Variants in COG5 observed in about 807,000 individuals in gnomAD.
COG5 encodes the protein component of oligomeric golgi complex 5, also known as conserved oligomeric Golgi complex subunit 5.
COG5 carries 86 observed loss-of-function variants against 110.4 expected under a neutral mutation model. The ratio of observed to expected loss-of-function variants is 0.78; its 90% CI spans 0.65 to 0.93. The LOEUF (loss-of-function observed/expected upper bound fraction) is 0.93. Ranked by LOEUF, COG5 falls within the 40% of genes least tolerant of loss-of-function variation. COG5 has a pLI of 0.00. For synonymous variants in COG5, 360 were observed against 334.6 expected (o/e 1.08, Z -0.83); for missense variants, 1,077 against 987.0 (o/e 1.09, Z -1.22).
intron 7 of COG5, among the ~76,000 whole-genome samples, chr7:107,411,520 G>C (rs781417737): frequency 3.3e-5 from 5 of 152,048 alleles, no homozygotes; most frequent in Non-Finnish European, 7.4e-5. Context: ...AGAAACTCTA[G>C]GAGTACTGAT....
At chr7:107,427,141 T>C (rs4730243) in intron 6 of COG5, among the ~76,000 whole-genome samples, 63,960 of 151,988 alleles carry the variant, frequency 0.42, 14,455 homozygotes, top group East Asian at 0.51. Flanking sequence ...AAACACTTTA[T>C]TGACCTCTCT....
chr7:107,337,270 T>C (rs189889987), intron 10 of COG5, among the ~76,000 whole-genome samples: 108 of 152,298 alleles, frequency 7.1e-4, no homozygotes, highest in African/African-American at 2.6e-3. Context: ...AAGAGAACTA[T>C]CATATACTTC....
intron 7 of COG5, among the ~76,000 whole-genome samples, chr7:107,398,363 T>C (rs1292433221): frequency 6.6e-6 from 1 of 152,218 alleles, no homozygotes; most frequent in Non-Finnish European, 1.5e-5. Flanking sequence ...TGTTAGGAAC[T>C]GGGCCACACA....
chr7:107,546,441 T>TG lies in COG5; in HGVS notation c.417+1669_417+1670insC, dbSNP rs534022501. Among the ~76,000 whole-genome samples, 20 of 146,938 alleles carry TG rather than the reference T, an allele frequency of 1.4e-4. No homozygotes were observed. The East Asian group carries it at 2.6e-3, about 19-fold the overall frequency. ...AGTTGTGTTTTGGTTTTTTGTTTTTTTTTTTTTTTTTTGAGACAAGGTCTC... is the reference window on the plus strand; with the variant it reads ...AGTTGTGTTTTGGTTTTTTGTTTTTTGTTTTTTTTTTTTGAGACAAGGTCTC... On this transcript the variant is annotated intron_variant, in intron 5 of 21. Coordinates refer to ENST00000297135, the MANE Select transcript of COG5 (RefSeq NM_006348.5).
Position 107,298,364 on chromosome 7 carries a change from A to G in COG5, c.1109-18T>C, listed in dbSNP as rs750304515. 1.3e-6 allele frequency: 2 copies of G among 1,588,608 alleles called. No individual in the cohort carries two copies. The highest frequency in any genetic ancestry group is 2.7e-5 in the African/African-American group (2 of 74,310). On this transcript the variant is annotated intron_variant, in intron 11 of 21. Coordinates refer to ENST00000297135, the MANE Select transcript of COG5 (RefSeq NM_006348.5). ...CATCGAAGCTGCCAAGCAAAACAAG[A>G]ACATGAATTAGAAAAATAATAAAAT...
intron 10 of COG5, among the ~76,000 whole-genome samples, chr7:107,326,107 A>G (rs1161876526): frequency 6.6e-6 from 1 of 152,224 alleles, no homozygotes; most frequent in East Asian, 1.9e-4. Flanking sequence ...ATTTAACACC[A>G]TCTGATGATA....
chr7:107,477,605 G>A (rs1797068885), intron 6 of COG5, among the ~76,000 whole-genome samples: 1 of 151,682 alleles, frequency 6.6e-6, no homozygotes, highest in African/African-American at 2.4e-5. Context: ...GATCTTTCAG[G>A]TATACAAAAG....
intron 21 of COG5, among the ~76,000 whole-genome samples, chr7:107,206,850 C>A (rs956571814): frequency 6.6e-6 from 1 of 152,138 alleles, no homozygotes; most frequent in Non-Finnish European, 1.5e-5. Context: ...GCAAGATTTT[C>A]GAGTACTTAT....
chr7:107,372,663 A>C lies in COG5; in HGVS notation c.767T>G (p.Leu256Ter). The change falls in exon 8 of 22, where the codon TTA (leucine) becomes TGA (stop). Residue 256 changes from leucine (L) to a stop codon, truncating the protein, a stop_gained. Coordinates refer to ENST00000297135, the MANE Select transcript of COG5 (RefSeq NM_006348.5). LOFTEE classifies it high-confidence loss of function. ...TSVVDGYCAT[L>*]EENINSALDI... ...TAATGCACTGTTGATATTTTCTTCT[A>C]AAGTAGCACAATATCCATCCACAAC... 1 of 1,613,672 alleles carries C rather than the reference A, an allele frequency of 6.2e-7. No homozygotes were observed. Among genetic ancestry groups the C allele is most frequent in the Non-Finnish European group, 8.5e-7 (1 of 1,179,738 alleles).
chr7:107,499,452 C>A (rs1798498144), intron 6 of COG5, among the ~76,000 whole-genome samples: 2 of 150,168 alleles, frequency 1.3e-5, no homozygotes, highest in Middle Eastern at 7.0e-3. Context: ...GTTGTCCAGG[C>A]TGGAGTGCAG....
intron 6 of COG5, among the ~76,000 whole-genome samples, chr7:107,473,314 C>G (rs974195951): frequency 6.6e-6 from 1 of 151,898 alleles, no homozygotes; most frequent in African/African-American, 2.4e-5. Flanking sequence ...GTGATTAATG[C>G]TCTTTTACCA....
intron 14 of COG5, among the ~76,000 whole-genome samples, chr7:107,278,034 G>GT (rs930142486): frequency 2.6e-4 from 40 of 152,046 alleles, no homozygotes; most frequent in Middle Eastern, 3.4e-3. Context: ...CTATAACTAA[G>GT]TATACTAAAA....
At chr7:107,222,778 A>C (rs1800035375) in intron 19 of COG5, among the ~76,000 whole-genome samples, 1 of 152,230 alleles carries the variant, frequency 6.6e-6, no homozygotes, top group Non-Finnish European at 1.5e-5. Context: ...ATGCAGATAC[A>C]CCAAATGCCA....
At chr7:107,205,185 C>T (rs561005423) in intron 21 of COG5, among the ~76,000 whole-genome samples, 11 of 152,134 alleles carry the variant, frequency 7.2e-5, no homozygotes, top group South Asian at 2.1e-4. Flanking sequence ...CAGCACTTGC[C>T]GTGCCCTGTT....
intron 8 of COG5, among the ~76,000 whole-genome samples, chr7:107,371,873 A>G (rs1814200550): frequency 6.6e-6 from 1 of 152,212 alleles, no homozygotes; most frequent in Admixed American, 6.5e-5. Context: ...GAGAAAGCAT[A>G]GTTCATCCTT....
Position 107,323,238 on chromosome 7 carries a change from A to C in COG5, c.1108+1202T>G, listed in dbSNP as rs1004297461. ...AAATGAGCAGTGTGATTCACAAGTA[A>C]ACGGAACAGGCCGGGCGCAGTGGCT... On this transcript the variant is annotated intron_variant, in intron 11 of 21. Coordinates refer to ENST00000297135, the MANE Select transcript of COG5 (RefSeq NM_006348.5). Among the ~76,000 whole-genome samples the C allele has an allele frequency of 4.6e-5, 7 of 152,300 alleles. No individual in the cohort carries two copies. The East Asian group carries it at 1.4e-3, about 29-fold the overall frequency.
intron 12 of COG5, among the ~76,000 whole-genome samples, chr7:107,292,484 G>A (rs183028614): frequency 6.9e-4 from 105 of 152,300 alleles, no homozygotes; most frequent in African/African-American, 2.5e-3. Flanking sequence ...AACTGACTGA[G>A]TGGTTAAGCT....
chr7:107,410,303 G>C (rs886316258), intron 7 of COG5, among the ~76,000 whole-genome samples: 1 of 152,136 alleles, frequency 6.6e-6, no homozygotes, highest in African/African-American at 2.4e-5. Context: ...GTGAATAGTT[G>C]AAGAGACACA....
At chr7:107,420,235 A>G (rs1328972406) in intron 6 of COG5, among the ~76,000 whole-genome samples, 11 of 152,224 alleles carry the variant, frequency 7.2e-5, no homozygotes, top group Non-Finnish European at 1.6e-4. Flanking sequence ...AACAGTGAAG[A>G]TTAAAAAACC....
Sources: gnomAD v4.1 joint callset for allele counts (sites outside exome capture counted in the v4.1 genomes callset) on GRCh38, gnomAD v4.1.1 for gene constraint, MANE v1.5 for transcripts, NCBI Gene and HGNC (gene_info 2026-07-23, HGNC 2026-07-21) for gene names.